The following ZNF384 variants were observed in gnomAD, a reference collection of about 807,000 sequenced individuals.
ZNF384 encodes the protein zinc finger protein 384, also known as CAG repeat protein 1.
ZNF384 carries 20 observed loss-of-function variants against 65.0 expected under a neutral mutation model. That is an observed-to-expected ratio of 0.31 (90% CI 0.22 to 0.45). The LOEUF is 0.45. Among genes scored for constraint, ZNF384 ranks in the 20% least tolerant of loss-of-function variants. The pLI is 1.00. For synonymous variants in ZNF384, 310 were observed against 303.9 expected (o/e 1.02, Z -0.21); for missense variants, 549 against 769.4 (o/e 0.71, Z 3.39).
intron 7 of ZNF384, among the ~76,000 whole-genome samples, chr12:6,674,281 G>A (rs1565430189): frequency 6.6e-6 from 1 of 152,212 alleles, no homozygotes; most frequent in East Asian, 1.9e-4. Flanking sequence ...CTCATCCCAA[G>A]CTGGTAATCC....
intron 2 of ZNF384, among the ~76,000 whole-genome samples, chr12:6,684,652 CA>C (rs1433896299): frequency 2.0e-5 from 3 of 152,078 alleles, no homozygotes; most frequent in African/African-American, 4.8e-5. Context: ...TAGGTCAGCC[CA>C]AAAGGGAGAC....
At chr12:6,668,580 G>A (rs1306791392) in intron 11 of ZNF384, among the ~76,000 whole-genome samples, 1 of 151,982 alleles carries the variant, frequency 6.6e-6, no homozygotes, top group Non-Finnish European at 1.5e-5. Flanking sequence ...ACATGCACCT[G>A]TAATCCCACC....
rs773927596 is a variant in ZNF384 at position 6,667,897 on chromosome 12, T to C, written c.1644A>G (p.Pro548=). ...CCCCAGGAGACTGGAAGTGTGGTGG[T>C]GGCTGTTGCTGCTGCTGCTGCTGCT... is the stretch of plus-strand genomic sequence containing the variant. ...QQQQQQQQQQ[P]PPHFQSPGAA... Residue 548 remains proline, a synonymous_variant, in exon 12 of 12, where the codon CCA becomes CCG. Coordinates refer to ENST00000683879, the MANE Select transcript of ZNF384 (RefSeq NM_001385745.1). 9 of 1,603,580 alleles carry C rather than the reference T, an allele frequency of 5.6e-6. No individual in the cohort carries two copies. The highest frequency in any genetic ancestry group is 7.6e-6 in the Non-Finnish European group (9 of 1,177,480).
rs1951884654 is a variant in ZNF384 at position 6,672,509 on chromosome 12, T to C, written c.1028A>G (p.Glu343Gly). The C allele has an allele frequency of 6.2e-7, 1 of 1,613,686 alleles. No individual in the cohort carries two copies. The highest frequency in any genetic ancestry group is 1.7e-5 in the Admixed American group (1 of 59,954). ...CGGGCACTTGTGGGGCTTGATGGTC[T>C]CCGTGTGCATCTTGGAGTGGATCCT... ...HTRIHSKMHT[E>G]TIKPHKCPHC... The change falls in exon 9 of 12, where the codon GAG becomes GGG. Residue 343 changes from glutamate (E) to glycine (G), a missense_variant. Transcript: ENST00000683879. The surrounding 1 kb of genome is among the most constrained non-coding windows in gnomAD (Gnocchi z 4.4).
chr12:6,667,291 G>C lies in ZNF384; in HGVS notation c.*423C>G, dbSNP rs1949989363. The C allele has an allele frequency of 1.1e-5, 4 of 365,802 alleles. No homozygotes were observed. Among genetic ancestry groups the C allele is most frequent in the Admixed American group, 8.0e-5 (2 of 25,108 alleles). The allele number at this position is 365,802 out of a possible 1,614,324, so 22.7% of individuals were successfully genotyped here. A position where few individuals can be genotyped will look rare whatever the true frequency, so the allele number is the denominator to read the frequency against. ...GCAAGAATAGAACAAGAGGCTGGTT[G>C]CATTTGGGGCTCCCTTTTCTCTGTT... On this transcript the variant is annotated 3_prime_UTR_variant, in exon 12 of 12. Coordinates refer to ENST00000683879, the MANE Select transcript of ZNF384 (RefSeq NM_001385745.1).
Position 6,673,283 on chromosome 12 carries a change from T to C in ZNF384, c.937A>G (p.Lys313Glu). 1 of 1,613,878 alleles carries C rather than the reference T, an allele frequency of 6.2e-7. No homozygotes were observed. The highest frequency in any genetic ancestry group is 8.5e-7 in the Non-Finnish European group (1 of 1,180,004). ...AQHIRIHSGA[K>E]PYSCNFCEKS... The stretch of plus-strand genomic sequence containing the variant: ...TCACAGAAGTTACAACTGTAGGGCT[T>C]AGCCCCTGAGTGTATACGGATGTGC... The change falls in exon 8 of 12, where the codon AAG (lysine) becomes GAG (glutamate). Residue 313 changes from lysine (K) to glutamate (E), a missense_variant. Physicochemically the swap from Lys to Glu is moderately conservative, Grantham distance 56 (BLOSUM62 1). Around this residue, in one of 5 missense-constraint regions of ZNF384, gnomAD observed 39 missense variants for 85.8 expected, o/e 0.45. Transcript: ENST00000683879. This position sits in a 1 kb window ranked among gnomAD's most constrained non-coding sequence, Gnocchi z 4.7.
chr12:6,667,658 G>T lies in ZNF384; in HGVS notation c.*56C>A, dbSNP rs1461518720. ...AGGACTTTTCCCACCAAGAGTTGGA[G>T]AAAGAAGACACCAGGACTACTTCTT... On this transcript the variant is annotated 3_prime_UTR_variant, in exon 12 of 12. Transcript: ENST00000683879. 3 of 1,611,078 alleles carry T rather than the reference G, an allele frequency of 1.9e-6. No individual in the cohort carries two copies. Among genetic ancestry groups the T allele is most frequent in the Non-Finnish European group, 2.5e-6 (3 of 1,178,202 alleles).
chr12:6,678,439 G>T lies in ZNF384; in HGVS notation c.374C>A (p.Ser125Tyr). Residue 125 changes from serine to tyrosine, a missense_variant, in exon 6 of 12, where the codon TCC becomes TAC. By Grantham distance (144) the Ser-to-Tyr change is moderately radical. Coordinates refer to ENST00000683879, the MANE Select transcript of ZNF384 (RefSeq NM_001385745.1). This position sits in a 1 kb window ranked among gnomAD's most constrained non-coding sequence, Gnocchi z 4.9. ...QSRGPGLVITSPSGSLVTTAS... is the reference protein window; with the variant it reads ...QSRGPGLVITYPSGSLVTTAS... ...TGTGGTCACAAGAGAGCCTGAGGGG[G>T]ACGTGATTACCAAACCCGGACCTAG... is the stretch of plus-strand genomic sequence containing the variant. 6.3e-7 allele frequency: 1 copy of T among 1,591,554 alleles called. No homozygotes were observed. The highest frequency in any genetic ancestry group is 8.6e-7 in the Non-Finnish European group (1 of 1,168,440).
At position 6,685,723 on chromosome 12, in the gene ZNF384, A is replaced by C. The variant is rs567777614; in HGVS notation, c.-6+2444T>G. ...GGAGGTGGAGTGGAGGTTGCAGTGA[A>C]AGGAGATCAGACCACTGCACTCCAG... is the stretch of plus-strand genomic sequence containing the variant. On this transcript the variant is annotated intron_variant, in intron 2 of 11. Transcript: ENST00000683879. Among the ~76,000 whole-genome samples, 17 of 150,506 alleles carry C rather than the reference A, an allele frequency of 1.1e-4. No homozygotes were observed. The South Asian group carries it at 3.6e-3, about 32-fold the overall frequency.
At chr12:6,669,299 C>G in intron 10 of ZNF384, 110 bp from the exon 11 acceptor site, 9 of 1,087,286 alleles carry the variant, frequency 8.3e-6, no homozygotes, top group Middle Eastern at 2.1e-4. Flanking sequence ...GCTTCTCCCT[C>G]TATCTGAAGA....
Position 6,673,339 on chromosome 12 carries a change from T to C in ZNF384, c.881A>G (p.Lys294Arg). 1 of 1,613,696 alleles carries C rather than the reference T, an allele frequency of 6.2e-7. No individual in the cohort carries two copies. The highest frequency in any genetic ancestry group is 8.5e-7 in the Non-Finnish European group (1 of 1,179,960). ...TKPHKCPHCS[K>R]TFANSSYLAQ... ...CAGGTAGGAGCTGTTGGCGAAGGTC[T>C]TGGAGCAATGTGGGCACTTGTGGGG... The change falls in exon 8 of 12, where the codon AAG (lysine) becomes AGG (arginine). Residue 294 changes from lysine (K) to arginine (R), a missense_variant. By Grantham distance (26) the Lys-to-Arg change is conservative. Coordinates refer to ENST00000683879, the MANE Select transcript of ZNF384 (RefSeq NM_001385745.1). The surrounding 1 kb of genome is among the most constrained non-coding windows in gnomAD (Gnocchi z 4.7).
chr12:6,682,523 A>G (rs1956409438), intron 2 of ZNF384, among the ~76,000 whole-genome samples: 5 of 151,924 alleles, frequency 3.3e-5, no homozygotes, highest in Admixed American at 3.3e-4. Flanking sequence ...TGGCAGGTGC[A>G]TGTAATCCCA....
intron 2 of ZNF384, among the ~76,000 whole-genome samples, chr12:6,685,776 CAAAAAAAAAAAA>C (rs778337408): frequency 3.9e-4 from 17 of 43,232 alleles, no homozygotes; most frequent in Non-Finnish European, 7.1e-4. Flanking sequence ...GACTCAGTCT[CAAAAAAAAAAAA>C]AAAAAAAAAA....
At chr12:6,681,160 A>G (rs1955785421) in intron 2 of ZNF384, among the ~76,000 whole-genome samples, 1 of 150,824 alleles carries the variant, frequency 6.6e-6, no homozygotes, top group African/African-American at 2.4e-5. Context: ...CGGAGGTTGC[A>G]GTGAGCCAAG....
At chr12:6,668,462 G>A (rs753039501) in intron 11 of ZNF384, among the ~76,000 whole-genome samples, 1 of 152,134 alleles carries the variant, frequency 6.6e-6, no homozygotes, top group Non-Finnish European at 1.5e-5. Context: ...CAGTACTTTG[G>A]GAGGCTGAGG....
rs1202945697 is a variant in ZNF384 at position 6,678,560 on chromosome 12, C to T, written c.353-100G>A. 1.3e-6 allele frequency: 2 copies of T among 1,534,656 alleles called. No individual in the cohort carries two copies. The highest frequency in any genetic ancestry group is 1.8e-6 in the Non-Finnish European group (2 of 1,118,246). On this transcript the variant is annotated intron_variant, in intron 5 of 11. Coordinates refer to ENST00000683879, the MANE Select transcript of ZNF384 (RefSeq NM_001385745.1). This position sits in a 1 kb window ranked among gnomAD's most constrained non-coding sequence, Gnocchi z 4.9. The stretch of plus-strand genomic sequence containing the variant: ...TCATTGTCTAATTAACCCCTCACCC[C>T]CCCGCCGACCCAACCCAGAGTACAC...
At position 6,678,720 on chromosome 12, in the gene ZNF384, G is replaced by A; in HGVS notation, c.305-10C>T. The stretch of plus-strand genomic sequence containing the variant: ...TGAGAACAGGAGACTCCTTGATTCA[G>A]AGAAGGAAAGAATGTCACCTCCTCA... On this transcript the variant is annotated splice_polypyrimidine_tract_variant and intron_variant, in intron 4 of 11. Coordinates refer to ENST00000683879, the MANE Select transcript of ZNF384 (RefSeq NM_001385745.1). This position sits in a 1 kb window ranked among gnomAD's most constrained non-coding sequence, Gnocchi z 4.9. The A allele has an allele frequency of 6.2e-7, 1 of 1,613,888 alleles. No individual in the cohort carries two copies. Among genetic ancestry groups the A allele is most frequent in the East Asian group, 2.2e-5 (1 of 44,880 alleles).
intron 9 of ZNF384, chr12:6,671,790 T>C (rs1951601940): frequency 1.3e-5 from 2 of 152,720 alleles, no homozygotes; most frequent in Admixed American, 1.3e-4. Flanking sequence ...GGCATCTTTA[T>C]GAAGCATAAG....
Position 6,667,896 on chromosome 12 carries a change from G to A in ZNF384, c.1645C>T (p.Pro549Ser), listed in dbSNP as rs139622573. Residue 549 changes from proline (P) to serine (S), a missense_variant, in exon 12 of 12, where the codon CCA (proline) becomes TCA (serine). By Grantham distance (74) the Pro-to-Ser change is moderately conservative (BLOSUM62 -1). This residue lies in a region of ZNF384 where 136 missense variants were observed against 183.0 expected (regional missense o/e 0.74). Transcript: ENST00000683879. ...QQQQQQQQQP[P>S]PHFQSPGAAP... ...GCCCCAGGAGACTGGAAGTGTGGTGGTGGCTGTTGCTGCTGCTGCTGCTGC... is the reference window on the plus strand; with the variant it reads ...GCCCCAGGAGACTGGAAGTGTGGTGATGGCTGTTGCTGCTGCTGCTGCTGC... 62 of 1,606,244 alleles carry A rather than the reference G, an allele frequency of 3.9e-5. No homozygotes were observed. Among genetic ancestry groups the A allele is most frequent in the Non-Finnish European group, 5.0e-5 (59 of 1,178,268 alleles).
Sources: allele counts gnomAD v4.1 joint callset (sites outside exome capture counted in the v4.1 genomes callset), GRCh38; gene constraint gnomAD v4.1.1; regional missense constraint gnomAD v4.1.1; non-coding constraint Gnocchi (gnomAD v3.1); transcripts MANE v1.5; gene names NCBI Gene and HGNC (gene_info 2026-07-23, HGNC 2026-07-21).